SMG1: variants seen among roughly 807,000 people sequenced by gnomAD.
SMG1 encodes the protein SMG1 nonsense mediated mRNA decay associated PI3K related kinase.
Under a neutral mutation model 419.9 loss-of-function variants are expected in SMG1, and 22 were observed. The ratio of observed to expected loss-of-function variants is 0.05; its 90% CI spans 0.04 to 0.07. The LOEUF is 0.07. Ranked by LOEUF, SMG1 falls within the 10% of genes least tolerant of loss-of-function variation. The pLI, the probability that SMG1 is intolerant of heterozygous loss-of-function variation, is 1.00. For synonymous variants in SMG1, 1,538 were observed against 1,553.5 expected, an observed-to-expected ratio of 0.99 and a Z score of 0.23; for missense variants, 3,185 against 4,342.0, an observed-to-expected ratio of 0.73 and a Z score of 7.49.
chr16:18,810,713 T>C (rs921652046), intron 62 of SMG1, among the ~76,000 whole-genome samples: 2 of 152,218 alleles, frequency 1.3e-5, no homozygotes. Context: ...TGGAGAAATC[T>C]GAATGTGGAC....
chr16:18,887,826 T>C (rs1596601046), intron 6 of SMG1, among the ~76,000 whole-genome samples: 1 of 87,176 alleles, frequency 1.1e-5, no homozygotes, highest in Non-Finnish European at 2.2e-5. Flanking sequence ...TCCGAACACA[T>C]CAATACTATA....
At chr16:18,916,407 C>T (rs1458493288) in intron 1 of SMG1, among the ~76,000 whole-genome samples, 13 of 146,552 alleles carry the variant, frequency 8.9e-5, no homozygotes, top group Admixed American at 5.0e-4. Flanking sequence ...CCCAGCTACT[C>T]GGGAGGCTGA....
chr16:18,900,383 G>C (rs1046929952), intron 1 of SMG1, among the ~76,000 whole-genome samples: 2 of 152,106 alleles, frequency 1.3e-5, no homozygotes, highest in African/African-American at 4.8e-5. Flanking sequence ...CGTTTCAAAT[G>C]ACCAGAATCC....
intron 55 of SMG1, among the ~76,000 whole-genome samples, chr16:18,820,881 G>A (rs1174225980): frequency 6.6e-6 from 1 of 152,086 alleles, no homozygotes; most frequent in African/African-American, 2.4e-5. Context: ...AAGTATAAAG[G>A]ACAGACAATA....
Position 18,815,426 on chromosome 16 carries a change from G to C in SMG1, c.10514+14C>G. ...ACTTATGTTTTATAAATTCTGACCAGAAGGCATTCTTACCTCTGACTTTGT... is the reference window on the plus strand; with the variant it reads ...ACTTATGTTTTATAAATTCTGACCACAAGGCATTCTTACCTCTGACTTTGT... On this transcript the variant is annotated intron_variant, in intron 59 of 62. Transcript: ENST00000446231. The C allele has an allele frequency of 6.2e-7, 1 of 1,612,406 alleles. No homozygotes were observed. The highest frequency in any genetic ancestry group is 8.5e-7 in the Non-Finnish European group (1 of 1,178,476).
chr16:18,907,844 T>TC (rs1416817223), intron 1 of SMG1, among the ~76,000 whole-genome samples: 1 of 20,664 alleles, frequency 4.8e-5, no homozygotes, highest in African/African-American at 2.1e-4. Context: ...AGAACGAGAC[T>TC]CAAAAAAAAA....
chr16:18,893,175 A>AT (rs1169997155), intron 3 of SMG1, among the ~76,000 whole-genome samples: 2 of 152,374 alleles, frequency 1.3e-5, no homozygotes, highest in Admixed American at 6.5e-5. Flanking sequence ...GTTTTCACAC[A>AT]TTTAGTTCAA....
intron 35 of SMG1, 47 bp from the exon 36 acceptor site, chr16:18,849,425 A>T (rs772681212): frequency 6.5e-7 from 1 of 1,532,914 alleles, no homozygotes; most frequent in South Asian, 1.2e-5. Context: ...ATTTAAAACT[A>T]TGAAGAAACT....
At chr16:18,908,365 C>CA (rs935478285) in intron 1 of SMG1, among the ~76,000 whole-genome samples, 5,886 of 77,492 alleles carry the variant, frequency 0.076, 154 homozygotes, top group Non-Finnish European at 0.097. Flanking sequence ...ACTCAGTCTC[C>CA]AAAAAAAAAA....
rs1371732840 is a variant in SMG1, at chr16:18,810,303, A to G, written c.10909-657T>C. On this transcript the variant is annotated intron_variant, in intron 62 of 62. Transcript: ENST00000446231. ...ACTGATGTTGCATTCCTTCCAAAAA[A>G]AATCTTGAATGAATTGAATTATGAG... Among the ~76,000 whole-genome samples the G allele has an allele frequency of 4.6e-5, 7 of 152,342 alleles. No individual in the cohort carries two copies. In the East Asian group the frequency reaches 5.8e-4, roughly 13 times the overall value.
intron 31 of SMG1, 54 bp downstream of exon 31, chr16:18,853,527 CAG>C: frequency 7.1e-7 from 1 of 1,406,166 alleles, no homozygotes; most frequent in Admixed American, 2.9e-5. Flanking sequence ...AACTTTAAAA[CAG>C]AAAAAAATAT....
intron 29 of SMG1, 69 bp downstream of exon 29, chr16:18,858,101 C>T: frequency 7.2e-7 from 1 of 1,380,910 alleles, no homozygotes. Flanking sequence ...GTAATATAAA[C>T]CTCAATAAAG....
chr16:18,812,216 T>C (rs888923844), intron 60 of SMG1, 89 bp from the exon 61 acceptor site: 3 of 1,210,952 alleles, frequency 2.5e-6, no homozygotes, highest in South Asian at 1.5e-5. Flanking sequence ...GTGGTAGTGG[T>C]TGATACCCCA....
In SMG1 at chr16:18,837,236, T is replaced by C; in HGVS notation, c.7604+17A>G. On this transcript the variant is annotated intron_variant, in intron 46 of 62. Coordinates refer to ENST00000446231, the MANE Select transcript of SMG1 (RefSeq NM_015092.5). Reference sequence around the variant, plus strand: ...ATTAATGGCACATATTTAGAAGAATTCAACACTGTTTTAAACCTGTGTTGC... The same window carrying C: ...ATTAATGGCACATATTTAGAAGAATCCAACACTGTTTTAAACCTGTGTTGC... The C allele has an allele frequency of 6.3e-7, 1 of 1,590,812 alleles. No individual in the cohort carries two copies.
intron 28 of SMG1, chr16:18,858,811 A>C: frequency 4.4e-6 from 2 of 449,840 alleles, no homozygotes; most frequent in South Asian, 7.4e-5. Flanking sequence ...AAAACTGAGC[A>C]ATTTGCCATC....
chr16:18,860,886 T>C lies in SMG1; in HGVS notation c.3696-110A>G, dbSNP rs575698996. ...TAGGAAGACAGCAAAGTACACAGCA[T>C]TTTTCTGACAAAATTCCTTCCACGA... is the stretch of plus-strand genomic sequence containing the variant. On this transcript the variant is annotated intron_variant, in intron 25 of 62. Transcript: ENST00000446231. 2.8e-5 allele frequency: 15 copies of C among 535,714 alleles called. No homozygotes were observed. The South Asian group carries it at 2.9e-4, about 10-fold the overall frequency. The allele number at this position is 535,714 out of a possible 1,614,324, so 33.2% of individuals were successfully genotyped here.
intron 51 of SMG1, 86 bp from the exon 52 acceptor site, chr16:18,830,455 G>T: frequency 7.0e-7 from 1 of 1,419,446 alleles, no homozygotes; most frequent in Non-Finnish European, 9.8e-7. Flanking sequence ...TCTCACAGCT[G>T]CATGCTGTGA....
chr16:18,838,484 T>C lies in SMG1; in HGVS notation c.7085-18A>G. The C allele has an allele frequency of 6.2e-7, 1 of 1,613,976 alleles. No homozygotes were observed. Among genetic ancestry groups the C allele is most frequent in the Non-Finnish European group, 8.5e-7 (1 of 1,179,852 alleles). The stretch of plus-strand genomic sequence containing the variant: ...GCTTTTACCTTGAAAAGACAAATCA[T>C]TATATTTTTGCCCTTTCACCAAAAA... On this transcript the variant is annotated intron_variant, in intron 43 of 62. Transcript: ENST00000446231.
chr16:18,877,076 G>A (rs2036169271), intron 12 of SMG1, 55 bp downstream of exon 12: 5 of 1,287,332 alleles, frequency 3.9e-6, no homozygotes, highest in Non-Finnish European at 4.3e-6. Context: ...GCAACATTAG[G>A]TCCAACTCTT....
Sources: gnomAD v4.1 joint callset for allele counts (sites outside exome capture counted in the v4.1 genomes callset) on GRCh38, gnomAD v4.1.1 for gene constraint, MANE v1.5 for transcripts, NCBI Gene and HGNC (gene_info 2026-07-23, HGNC 2026-07-21) for gene names.